The following CORO2B variants were observed in gnomAD, a reference collection of about 807,000 sequenced individuals.
CORO2B encodes the protein coronin-2B.
Under a neutral mutation model 58.8 loss-of-function variants are expected in CORO2B, and 26 were observed. That is an observed-to-expected ratio of 0.44 (90% CI 0.32 to 0.61). CORO2B has a LOEUF of 0.61. CORO2B is among the 20% of genes least tolerant of loss of function. The pLI, the probability that CORO2B is intolerant of heterozygous loss-of-function variation, is 0.04. For synonymous variants in CORO2B, 242 were observed against 253.8 expected (o/e 0.95, Z 0.44); for missense variants, 460 against 645.1 (o/e 0.71, Z 3.11).
intron 3 of CORO2B, among the ~76,000 whole-genome samples, chr15:68,703,008 G>A (rs1471557285): frequency 2.7e-5 from 4 of 150,864 alleles, no homozygotes; most frequent in African/African-American, 2.4e-5. Context: ...TGTATTTTTA[G>A]TAGAGACGGG....
intron 1 of CORO2B, among the ~76,000 whole-genome samples, chr15:68,639,418 C>T (rs1451212687): frequency 6.6e-6 from 1 of 152,146 alleles, no homozygotes; most frequent in Non-Finnish European, 1.5e-5. Flanking sequence ...CTGTGGGACA[C>T]CCTAAAAGGA....
intron 1 of CORO2B, among the ~76,000 whole-genome samples, chr15:68,599,290 C>T (rs1423218554): frequency 6.6e-6 from 1 of 152,204 alleles, no homozygotes; most frequent in Non-Finnish European, 1.5e-5. Flanking sequence ...TATATCTGAA[C>T]ATGTCTTGTC....
At chr15:68,711,756 G>C (rs775816286) in intron 5 of CORO2B, 50 bp downstream of exon 5, 1 of 1,605,160 alleles carries the variant, frequency 6.2e-7, no homozygotes, top group Non-Finnish European at 8.5e-7. Flanking sequence ...TGAGGGCTGG[G>C]GCTCAGCTTT....
the CORO2B span, among the ~76,000 whole-genome samples, chr15:68,544,339 A>G: frequency 6.6e-6 from 1 of 152,146 alleles, no homozygotes; most frequent in Non-Finnish European, 1.5e-5. Context: ...TCATCATTTG[A>G]TGTCTATTGG....
chr15:68,725,849 C>T lies in CORO2B; in HGVS notation c.1318C>T (p.Arg440Ter). 1.9e-6 allele frequency: 3 copies of T among 1,613,770 alleles called. No homozygotes were observed. Among genetic ancestry groups the T allele is most frequent in the Non-Finnish European group, 2.5e-6 (3 of 1,180,006 alleles). Residue 440 changes from arginine to a stop codon, truncating the protein, a stop_gained, in exon 12 of 12, where the codon CGA becomes TGA. Transcript: ENST00000261861. LOFTEE classifies it high-confidence loss of function. ...CTCTCTTCCTCCACCCCAGCTCCTT[C>T]GAATGTTCTTCCGGCAGCAGGATGA... ...VPPRTENELL[R>*]MFFRQQDEIR...
intron 2 of CORO2B, among the ~76,000 whole-genome samples, chr15:68,646,829 G>A (rs993349626): frequency 6.6e-6 from 1 of 152,160 alleles, no homozygotes; most frequent in African/African-American, 2.4e-5. Flanking sequence ...CACTATGCTG[G>A]TCAACTTGGC....
chr15:68,545,729 A>G, the CORO2B span, among the ~76,000 whole-genome samples: 1 of 151,934 alleles, frequency 6.6e-6, no homozygotes, highest in Non-Finnish European at 1.5e-5. Flanking sequence ...AAAGAAAACT[A>G]TCATAGTCCA....
chr15:68,679,989 G>T (rs537066815), intron 2 of CORO2B, among the ~76,000 whole-genome samples: 2 of 152,268 alleles, frequency 1.3e-5, no homozygotes, highest in East Asian at 3.9e-4. Flanking sequence ...GACTTCCATG[G>T]GGACAGTGAT....
At chr15:68,579,355 G>A in intron 1 of CORO2B, 78 bp downstream of exon 1, 3 of 1,212,480 alleles carry the variant, frequency 2.5e-6, no homozygotes, top group Non-Finnish European at 3.1e-6. Context: ...GGGCGCGGGG[G>A]TGTGGGTGTG....
chr15:68,554,143 C>T, the CORO2B span, among the ~76,000 whole-genome samples: 1 of 152,126 alleles, frequency 6.6e-6, no homozygotes, highest in African/African-American at 2.4e-5. Context: ...CTGGTACCAC[C>T]TGAGTATGGG....
chr15:68,608,388 G>A (rs533098085), intron 1 of CORO2B, among the ~76,000 whole-genome samples: 146 of 152,334 alleles, frequency 9.6e-4, no homozygotes, highest in Admixed American at 1.6e-3. Flanking sequence ...GTGGTCCCCT[G>A]GAGGACTTCG....
chr15:68,703,067 T>TCTGC (rs1892694439), intron 3 of CORO2B, among the ~76,000 whole-genome samples: 1 of 143,006 alleles, frequency 7.0e-6, no homozygotes, highest in African/African-American at 2.9e-5. Context: ...ACTCAAGTGA[T>TCTGC]CCACCCGCCT....
chr15:68,663,387 G>A (rs1411141083), intron 2 of CORO2B, among the ~76,000 whole-genome samples: 1 of 152,146 alleles, frequency 6.6e-6, no homozygotes, highest in African/African-American at 2.4e-5. Context: ...TTTATTTCAT[G>A]TGCATGCAGG....
the CORO2B span, among the ~76,000 whole-genome samples, chr15:68,549,228 G>T: frequency 6.6e-6 from 1 of 152,142 alleles, no homozygotes. Context: ...TGTTTTAACG[G>T]CCATTTACAG....
intron 2 of CORO2B, among the ~76,000 whole-genome samples, chr15:68,692,701 T>C (rs948177849): frequency 6.7e-6 from 1 of 150,350 alleles, no homozygotes; most frequent in South Asian, 2.1e-4. Flanking sequence ...TGGTGTGATA[T>C]CAGCTCCCTG....
the CORO2B span, among the ~76,000 whole-genome samples, chr15:68,518,638 G>A: frequency 6.6e-6 from 1 of 152,112 alleles, no homozygotes; most frequent in Admixed American, 6.5e-5. Context: ...CAGACTTGGG[G>A]CCTTCTGGGC....
At chr15:68,554,150 TG>T in the CORO2B span, among the ~76,000 whole-genome samples, 1 of 151,984 alleles carries the variant, frequency 6.6e-6, no homozygotes, top group Non-Finnish European at 1.5e-5. Flanking sequence ...CACCTGAGTA[TG>T]GGGAGACAGA....
At position 68,579,287 on chromosome 15, in the gene CORO2B, G is replaced by A. The variant is rs1023356278; in HGVS notation, c.15+10G>A. 6 of 1,284,570 alleles carry A rather than the reference G, an allele frequency of 4.7e-6. No individual in the cohort carries two copies. In the African/African-American group the frequency reaches 7.8e-5, roughly 17 times the overall value. 79.6% of individuals were successfully genotyped at this position (1,284,570 alleles called of 1,614,324 possible). ...CATGACTGTCACAAAGGTAAGCGCC[G>A]CTCGCCCGCCGCGCCCGGGACCCGC... On this transcript the variant is annotated intron_variant, in intron 1 of 11. Transcript: ENST00000261861.
At chr15:68,685,975 G>A (rs1025411379) in intron 2 of CORO2B, among the ~76,000 whole-genome samples, 3 of 148,930 alleles carry the variant, frequency 2.0e-5, no homozygotes, top group South Asian at 2.1e-4. Context: ...AGCTGCCGCC[G>A]ACCCCTTGTG....
Sources: allele counts gnomAD v4.1 joint callset (sites outside exome capture counted in the v4.1 genomes callset), GRCh38; gene constraint gnomAD v4.1.1; transcripts MANE v1.5; gene names NCBI Gene and HGNC (gene_info 2026-07-23, HGNC 2026-07-21).